Variants in CMIP observed in about 807,000 individuals in gnomAD.
CMIP encodes the protein c-Maf inducing protein.
Under a neutral mutation model 97.3 loss-of-function variants are expected in CMIP, and 13 were observed. The observed-to-expected ratio is 0.13, with a 90% CI of 0.09 to 0.21. The LOEUF (loss-of-function observed/expected upper bound fraction) is 0.21, where lower values mean the gene tolerates loss of function less well. Among genes scored for constraint, CMIP ranks in the 10% least tolerant of loss-of-function variants. The pLI is 1.00. For synonymous variants in CMIP, 538 were observed against 436.3 expected (o/e 1.23, Z -2.91); for missense variants, 847 against 1,024.9 (o/e 0.83, Z 2.37).
chr16:81,550,116 C>CACTG (rs1175294403), intron 1 of CMIP, among the ~76,000 whole-genome samples: 1 of 152,222 alleles, frequency 6.6e-6, no homozygotes, highest in Non-Finnish European at 1.5e-5. Flanking sequence ...AGGCAGTACA[C>CACTG]ACTGAGCACC....
At chr16:81,676,476 C>A (rs1316479599) in intron 9 of CMIP, among the ~76,000 whole-genome samples, 1 of 152,108 alleles carries the variant, frequency 6.6e-6, no homozygotes, top group Non-Finnish European at 1.5e-5. Flanking sequence ...GCCAAACAGC[C>A]TTGAAAATCC....
At chr16:81,455,836 G>A (rs1906513498) in intron 1 of CMIP, among the ~76,000 whole-genome samples, 1 of 152,196 alleles carries the variant, frequency 6.6e-6, no homozygotes, top group Non-Finnish European at 1.5e-5. Flanking sequence ...CTTCCCTTCA[G>A]GGAGGCCTGG....
At chr16:81,549,937 T>C (rs549436636) in intron 1 of CMIP, among the ~76,000 whole-genome samples, 25 of 152,276 alleles carry the variant, frequency 1.6e-4, no homozygotes, top group Admixed American at 2.6e-4. Flanking sequence ...TGCATTTGTG[T>C]GTGTGTGTAT....
chr16:81,582,710 G>A (rs1021460203), intron 1 of CMIP, among the ~76,000 whole-genome samples: 3 of 152,196 alleles, frequency 2.0e-5, no homozygotes, highest in African/African-American at 4.8e-5. Flanking sequence ...CCCATGCAGG[G>A]CACAGTCCTG....
intron 1 of CMIP, among the ~76,000 whole-genome samples, chr16:81,533,624 A>C (rs555408873): frequency 6.6e-6 from 1 of 152,002 alleles, no homozygotes; most frequent in African/African-American, 2.4e-5. Context: ...GACTATATGC[A>C]CGTGCCGCCA....
intron 1 of CMIP, among the ~76,000 whole-genome samples, chr16:81,544,638 G>T (rs1258034448): frequency 6.6e-6 from 1 of 151,838 alleles, no homozygotes; most frequent in South Asian, 2.1e-4. Context: ...GCATGTGTGT[G>T]TGCCTGTGTG....
intron 3 of CMIP, chr16:81,631,797 T>C (rs6564905): frequency 0.63 from 95,220 of 152,094 alleles, 30,389 homozygotes; most frequent in East Asian, 0.76. Flanking sequence ...TTTTGGTGAA[T>C]GTGTGTCCAC....
At position 81,578,718 on chromosome 16, in the gene CMIP, C is replaced by CAT. The variant is rs745776241; in HGVS notation, c.301-28847_301-28846dup. On this transcript the variant is annotated intron_variant, in intron 1 of 20. Coordinates refer to ENST00000537098, the MANE Select transcript of CMIP (RefSeq NM_198390.3). ...GTGGGAGACATCACAAAAGACTGTG[C>CAT]ATACATCCTCTGTGTCCCTCTCTGG... is the stretch of plus-strand genomic sequence containing the variant. Among the ~76,000 whole-genome samples the CAT allele has an allele frequency of 1.1e-3, 167 of 152,354 alleles. 2 individuals carry two copies. The highest frequency in any genetic ancestry group is 2.9e-4 in the Non-Finnish European group (20 of 68,036).
At chr16:81,471,285 G>A (rs897623369) in intron 1 of CMIP, among the ~76,000 whole-genome samples, 2 of 151,864 alleles carry the variant, frequency 1.3e-5, no homozygotes, top group East Asian at 1.9e-4. Context: ...GTACACACAG[G>A]CACAATATAT....
chr16:81,585,833 C>T (rs80196126), intron 1 of CMIP, among the ~76,000 whole-genome samples: 2,748 of 152,246 alleles, frequency 0.018, 49 homozygotes, highest in African/African-American at 0.045. Flanking sequence ...TCTCAAGATT[C>T]GGCTGTGAGC....
Position 81,506,636 on chromosome 16 carries a change from T to G in CMIP, c.300+61095T>G, listed in dbSNP as rs193250397. 1.2e-3 allele frequency among the ~76,000 whole-genome samples: 177 copies of G among 152,324 alleles called. 1 individual carries two copies. In the Middle Eastern group the frequency reaches 0.027, roughly 23 times the overall value. ...AGAAAATAAAGTGGAACTTTGAGTT[T>G]GAAATGGCTCACTCATGCCTGTAAT... is the stretch of plus-strand genomic sequence containing the variant. On this transcript the variant is annotated intron_variant, in intron 1 of 20. Transcript: ENST00000537098.
At chr16:81,526,727 C>T (rs1197655066) in intron 1 of CMIP, among the ~76,000 whole-genome samples, 1 of 152,212 alleles carries the variant, frequency 6.6e-6, no homozygotes, top group Admixed American at 6.5e-5. Flanking sequence ...CTTAGGAAGC[C>T]CACTCTTGCC....
At chr16:81,458,343 AG>A (rs1276913682) in intron 1 of CMIP, among the ~76,000 whole-genome samples, 6 of 152,116 alleles carry the variant, frequency 3.9e-5, no homozygotes, top group Non-Finnish European at 8.8e-5. Context: ...GGCTTGGTGA[AG>A]GGGGGTAGGG....
At chr16:81,689,337 A>C (rs1303811898) in intron 10 of CMIP, among the ~76,000 whole-genome samples, 1 of 152,154 alleles carries the variant, frequency 6.6e-6, no homozygotes, top group African/African-American at 2.4e-5. Flanking sequence ...CTGACTTTTT[A>C]ATGATCGCCA....
intron 1 of CMIP, among the ~76,000 whole-genome samples, chr16:81,458,974 C>T (rs1906730638): frequency 6.6e-6 from 1 of 152,156 alleles, no homozygotes. Flanking sequence ...CCATTACTGT[C>T]ATCTCCGCTG....
At chr16:81,701,455 G>C (rs1907395262) in intron 15 of CMIP, among the ~76,000 whole-genome samples, 1 of 152,212 alleles carries the variant, frequency 6.6e-6, no homozygotes, top group Non-Finnish European at 1.5e-5. Context: ...ATTTGAACCT[G>C]GAGAACCTCA....
intron 1 of CMIP, among the ~76,000 whole-genome samples, chr16:81,504,098 G>T (rs1009710773): frequency 3.7e-4 from 56 of 152,356 alleles, no homozygotes; most frequent in African/African-American, 1.3e-3. Context: ...GGCCGAGGGA[G>T]GCAGATCACT....
chr16:81,691,631 G>A (rs1906088750), intron 10 of CMIP, 144 bp from the exon 11 acceptor site: 2 of 685,234 alleles, frequency 2.9e-6, no homozygotes, highest in Admixed American at 2.1e-5. Context: ...TGCTCATCCT[G>A]GAGGTGGAAG....
At chr16:81,701,845 A>AC in intron 16 of CMIP, 45 bp downstream of exon 16, 1 of 1,608,700 alleles carries the variant, frequency 6.2e-7, no homozygotes, top group Non-Finnish European at 8.5e-7. Flanking sequence ...CCAGCAGGCC[A>AC]GGGGGGGCCA....
Sources: gnomAD v4.1 joint callset for allele counts (sites outside exome capture counted in the v4.1 genomes callset) on GRCh38, gnomAD v4.1.1 for gene constraint, MANE v1.5 for transcripts, NCBI Gene and HGNC (gene_info 2026-07-23, HGNC 2026-07-21) for gene names.